The following DEUP1 variants were observed in gnomAD, a reference collection of about 807,000 sequenced individuals.
DEUP1 encodes deuterosome assembly protein 1.
In DEUP1, 82 loss-of-function variants were observed where a neutral mutation model predicts 87.4. The ratio of observed to expected loss-of-function variants is 0.94; its 90% CI spans 0.78 to 1.13. The LOEUF (loss-of-function observed/expected upper bound fraction) is 1.13. DEUP1 is among the 50% of genes most tolerant of loss of function. The pLI is 0.00. For synonymous variants in DEUP1, 214 were observed against 222.7 expected, an observed-to-expected ratio of 0.96 and a Z score of 0.35; for missense variants, 663 against 681.5, an observed-to-expected ratio of 0.97 and a Z score of 0.30.
At chr11:93,378,195 T>A (rs1946132344) in intron 7 of DEUP1, among the ~76,000 whole-genome samples, 1 of 152,262 alleles carries the variant, frequency 6.6e-6, no homozygotes, top group Non-Finnish European at 1.5e-5. Context: ...TTCCCTCAAA[T>A]ATGTTTTCCA....
intron 11 of DEUP1, among the ~76,000 whole-genome samples, chr11:93,407,955 G>T (rs1000290875): frequency 6.6e-6 from 1 of 151,882 alleles, no homozygotes; most frequent in African/African-American, 2.4e-5. Context: ...CTGTTTTGGG[G>T]CATGAGCAAT....
At position 93,394,591 on chromosome 11, in the gene DEUP1, G is replaced by T; in HGVS notation, c.1174G>T (p.Ala392Ser). The change falls in exon 10 of 14, where the codon GCC (alanine) becomes TCC (serine). Residue 392 changes from alanine (A) to serine (S), a missense_variant. Physicochemically the swap from Ala to Ser is moderately conservative, Grantham distance 99. Coordinates refer to ENST00000298050, the MANE Select transcript of DEUP1 (RefSeq NM_181645.4). ...ITIATVTKKA[A>S]LLEKQLKMEL... ...TATAGCAACTGTCACAAAGAAAGCT[G>T]CCCTTCTGGAAAAACAGTTAAAAAT... 2.5e-6 allele frequency: 4 copies of T among 1,613,100 alleles called. No homozygotes were observed. Among genetic ancestry groups the T allele is most frequent in the Non-Finnish European group, 3.4e-6 (4 of 1,179,642 alleles).
intron 4 of DEUP1, among the ~76,000 whole-genome samples, chr11:93,361,095 A>C (rs1266555913): frequency 6.6e-6 from 1 of 152,104 alleles, no homozygotes; most frequent in Non-Finnish European, 1.5e-5. Flanking sequence ...CAATTCTGAT[A>C]ATGGTGGCTT....
chr11:93,342,800 A>G (rs960257791), intron 2 of DEUP1, among the ~76,000 whole-genome samples: 7 of 152,240 alleles, frequency 4.6e-5, no homozygotes, highest in African/African-American at 1.7e-4. Flanking sequence ...GGTGAGAAGC[A>G]GTCAGAATTT....
intron 11 of DEUP1, among the ~76,000 whole-genome samples, chr11:93,399,598 T>G (rs1203837352): frequency 6.6e-6 from 1 of 151,758 alleles, no homozygotes; most frequent in Non-Finnish European, 1.5e-5. Context: ...ATAACAAAAT[T>G]TATTCCCAAG....
At chr11:93,418,776 C>G (rs1166630486) in intron 13 of DEUP1, among the ~76,000 whole-genome samples, 1 of 151,920 alleles carries the variant, frequency 6.6e-6, no homozygotes, top group Non-Finnish European at 1.5e-5. Flanking sequence ...AGACTTGGAA[C>G]CAACCCAAAT....
intron 13 of DEUP1, among the ~76,000 whole-genome samples, chr11:93,434,909 G>C (rs887118953): frequency 6.6e-6 from 1 of 152,146 alleles, no homozygotes; most frequent in African/African-American, 2.4e-5. Flanking sequence ...CTCCAAGCTG[G>C]TGCCTCAGCT....
In DEUP1 at chr11:93,437,761, C is replaced by CAAAAAAA; in HGVS notation, c.*44_*45insAAAAAAA. 2 of 910,976 alleles carry CAAAAAAA rather than the reference C, an allele frequency of 2.2e-6. No individual in the cohort carries two copies. Among genetic ancestry groups the CAAAAAAA allele is most frequent in the Admixed American group, 4.7e-5 (2 of 42,420 alleles). 56.4% of individuals were successfully genotyped at this position (910,976 alleles called of 1,614,324 possible). ...ATTTGCTTCCCCCCCCCACCCCCGCCAAGAAAAAAAGCTCTGGCAAAATAT... is the reference window on the plus strand; with the variant it reads ...ATTTGCTTCCCCCCCCCACCCCCGCCAAAAAAAAAGAAAAAAAGCTCTGGCAAAATAT... On this transcript the variant is annotated 3_prime_UTR_variant, in exon 14 of 14. Transcript: ENST00000298050.
chr11:93,386,916 A>T (rs911588746), intron 8 of DEUP1, among the ~76,000 whole-genome samples: 2 of 152,208 alleles, frequency 1.3e-5, no homozygotes, highest in Non-Finnish European at 2.9e-5. Context: ...TGTGAAGAGC[A>T]TTGTAGGTAC....
chr11:93,393,039 T>TCC (rs1946818343), intron 9 of DEUP1, among the ~76,000 whole-genome samples: 6 of 146,790 alleles, frequency 4.1e-5, no homozygotes, highest in African/African-American at 1.0e-4. Context: ...CTCCTCCTCC[T>TCC]TCTACTTCTT....
At chr11:93,363,596 A>C (rs1945279942) in intron 4 of DEUP1, among the ~76,000 whole-genome samples, 1 of 151,906 alleles carries the variant, frequency 6.6e-6, no homozygotes, top group South Asian at 2.1e-4. Flanking sequence ...TATTATTTGA[A>C]GGTAGAACAG....
chr11:93,364,380 G>T, intron 5 of DEUP1, 86 bp downstream of exon 5: 2 of 1,192,788 alleles, frequency 1.7e-6, no homozygotes, highest in South Asian at 2.6e-5. Context: ...GTCCACAATG[G>T]TGTCTTCAGT....
intron 9 of DEUP1, among the ~76,000 whole-genome samples, chr11:93,389,422 C>T (rs1946699659): frequency 6.6e-6 from 1 of 152,176 alleles, no homozygotes; most frequent in South Asian, 2.1e-4. Flanking sequence ...GACTCTGGTG[C>T]TCAACCACAC....
At chr11:93,378,260 G>C (rs1352413032) in intron 7 of DEUP1, among the ~76,000 whole-genome samples, 1 of 152,046 alleles carries the variant, frequency 6.6e-6, no homozygotes, top group Non-Finnish European at 1.5e-5. Context: ...AGGTTTGGTT[G>C]CTTAACATGA....
At chr11:93,375,034 C>CT (rs60565734) in intron 7 of DEUP1, among the ~76,000 whole-genome samples, 34,370 of 126,484 alleles carry the variant, frequency 0.27, 4,415 homozygotes, top group South Asian at 0.4. Context: ...TTTTTCTTTT[C>CT]TTTTTTTTTT....
chr11:93,341,464 C>A (rs1944072056), intron 2 of DEUP1, among the ~76,000 whole-genome samples: 1 of 152,118 alleles, frequency 6.6e-6, no homozygotes. Context: ...TCTTCCCAGT[C>A]TCAGGGAAAG....
At chr11:93,336,798 T>A (rs1943789324) in intron 2 of DEUP1, among the ~76,000 whole-genome samples, 1 of 152,198 alleles carries the variant, frequency 6.6e-6, no homozygotes. Flanking sequence ...GACACTCACT[T>A]GCTACTTCCA....
In DEUP1 at chr11:93,389,140, G is replaced by A. The variant is rs765211020; in HGVS notation, c.1041+15G>A. 2.8e-6 allele frequency: 4 copies of A among 1,419,700 alleles called. No individual in the cohort carries two copies. The highest frequency in any genetic ancestry group is 2.3e-5 in the East Asian group (1 of 42,676). The allele number at this position is 1,419,700 out of a possible 1,614,324, so 87.9% of individuals were successfully genotyped here. ...AATTGAACAAGGTATGAAAAATAATGAGCTCCATTCTTCCAGGTAGATGTG... is the reference window on the plus strand; with the variant it reads ...AATTGAACAAGGTATGAAAAATAATAAGCTCCATTCTTCCAGGTAGATGTG... On this transcript the variant is annotated intron_variant, in intron 9 of 13. Coordinates refer to ENST00000298050, the MANE Select transcript of DEUP1 (RefSeq NM_181645.4).
intron 7 of DEUP1, among the ~76,000 whole-genome samples, chr11:93,374,402 A>G (rs1334603963): frequency 6.6e-6 from 1 of 152,108 alleles, no homozygotes; most frequent in African/African-American, 2.4e-5. Flanking sequence ...TAGAATCTTT[A>G]TGGTTTCAGG....
Sources: allele counts gnomAD v4.1 joint callset (sites outside exome capture counted in the v4.1 genomes callset), GRCh38; gene constraint gnomAD v4.1.1; transcripts MANE v1.5; gene names NCBI Gene and HGNC (gene_info 2026-07-23, HGNC 2026-07-21).